The following NRG1 variants were observed in gnomAD, a reference collection of about 807,000 sequenced individuals.
NRG1 encodes the protein pro-neuregulin-1, membrane-bound isoform.
In NRG1, 18 loss-of-function variants were observed where a neutral mutation model predicts 63.8. The observed-to-expected ratio is 0.28, with a 90% confidence interval of 0.19 to 0.42. NRG1 has a LOEUF of 0.42. Among genes scored for constraint, NRG1 ranks in the 10% least tolerant of loss-of-function variants. NRG1 has a pLI of 1.00. For missense variants in NRG1, 762 were observed against 814.7 expected, an observed-to-expected ratio of 0.94 and a Z score of 0.79; for synonymous variants, 302 against 301.3, an observed-to-expected ratio of 1.00 and a Z score of -0.02.
chr8:31,648,765 A>C (rs912962779), intron 1 of NRG1, among the ~76,000 whole-genome samples: 1 of 152,148 alleles, frequency 6.6e-6, no homozygotes, highest in African/African-American at 2.4e-5. Context: ...ATAATTTTCC[A>C]TTGTATGTAA....
chr8:32,363,138 A>C (rs1056812978), intron 1 of NRG1, among the ~76,000 whole-genome samples: 1 of 152,176 alleles, frequency 6.6e-6, no homozygotes, highest in African/African-American at 2.4e-5. Flanking sequence ...AACTTTTTCC[A>C]TACTGTAAAA....
chr8:31,942,577 A>G (rs1306105258), intron 1 of NRG1, among the ~76,000 whole-genome samples: 1 of 152,196 alleles, frequency 6.6e-6, no homozygotes, highest in Non-Finnish European at 1.5e-5. Flanking sequence ...ACAGCAAAAA[A>G]AATAATCAGC....
chr8:32,626,673 C>T (rs1588806258), intron 5 of NRG1, among the ~76,000 whole-genome samples: 1 of 148,846 alleles, frequency 6.7e-6, no homozygotes, highest in South Asian at 2.1e-4. Flanking sequence ...GAGCAAGACT[C>T]ATCTCAAAAA....
intron 1 of NRG1, among the ~76,000 whole-genome samples, chr8:32,031,763 C>T (rs1184761356): frequency 3.9e-5 from 6 of 152,236 alleles, no homozygotes; most frequent in African/African-American, 1.4e-4. Flanking sequence ...CTTCCAGCTC[C>T]ATCCATGTCC....
intron 5 of NRG1, among the ~76,000 whole-genome samples, chr8:32,665,548 A>C (rs1207459060): frequency 6.6e-6 from 1 of 152,160 alleles, no homozygotes; most frequent in Non-Finnish European, 1.5e-5. Flanking sequence ...TAGCTCTTTC[A>C]TCCATGTAAT....
At chr8:32,491,965 A>G (rs1454822064) in intron 1 of NRG1, among the ~76,000 whole-genome samples, 2 of 152,202 alleles carry the variant, frequency 1.3e-5, no homozygotes, top group Non-Finnish European at 1.5e-5. Context: ...TGTATTGAAA[A>G]TGTCAAGTCA....
chr8:32,484,717 T>G (rs1342411313), intron 1 of NRG1, among the ~76,000 whole-genome samples: 2 of 152,234 alleles, frequency 1.3e-5, no homozygotes, highest in African/African-American at 4.8e-5. Flanking sequence ...TGCCTATTTC[T>G]GTTTCTTTTT....
chr8:32,104,580 CTT>C (rs1485346362), intron 1 of NRG1, among the ~76,000 whole-genome samples: 5 of 152,056 alleles, frequency 3.3e-5, no homozygotes, highest in African/African-American at 1.2e-4. Flanking sequence ...CTTTTTGACT[CTT>C]TTTCAATAAT....
At chr8:32,157,589 G>A (rs1838265675) in intron 1 of NRG1, among the ~76,000 whole-genome samples, 2 of 151,608 alleles carry the variant, frequency 1.3e-5, no homozygotes, top group South Asian at 4.2e-4. Context: ...AACCTGGAAG[G>A]TGGAGGTTGC....
intron 1 of NRG1, among the ~76,000 whole-genome samples, chr8:31,973,480 A>G (rs1462892): frequency 0.63 from 95,492 of 151,856 alleles, 34,426 homozygotes; most frequent in Non-Finnish European, 0.81. Flanking sequence ...AGAGAGATTC[A>G]TAGTCCAGCT....
intron 1 of NRG1, among the ~76,000 whole-genome samples, chr8:32,234,608 CA>C (rs1278014718): frequency 2.0e-5 from 3 of 152,130 alleles, no homozygotes; most frequent in Non-Finnish European, 2.9e-5. Context: ...TTGAAATCCA[CA>C]AAAGGAATAG....
At chr8:32,004,058 C>T (rs760523854) in intron 1 of NRG1, among the ~76,000 whole-genome samples, 14 of 151,856 alleles carry the variant, frequency 9.2e-5, no homozygotes, top group Non-Finnish European at 1.5e-4. Flanking sequence ...GCAATAAAAA[C>T]TCATGAGTTA....
At chr8:32,606,305 A>C (rs918384763) in intron 3 of NRG1, among the ~76,000 whole-genome samples, 3 of 152,008 alleles carry the variant, frequency 2.0e-5, no homozygotes, top group Admixed American at 2.0e-4. Context: ...TAGGTAGTAG[A>C]AAGTTAAACC....
intron 1 of NRG1, among the ~76,000 whole-genome samples, chr8:31,922,353 A>G (rs1240712635): frequency 6.6e-6 from 1 of 152,170 alleles, no homozygotes; most frequent in Non-Finnish European, 1.5e-5. Flanking sequence ...TCAGGCTACC[A>G]ACATGATGTC....
In NRG1 at chr8:32,716,592, A is replaced by G. The variant is rs183725058; in HGVS notation, c.503-11357A>G. Among the ~76,000 whole-genome samples, 132 of 152,322 alleles carry G rather than the reference A, an allele frequency of 8.7e-4. 1 individual carries two copies. In the East Asian group the frequency reaches 0.019, roughly 22 times the overall value. ...GCTACCAGGAAAAAACTAATGAATT[A>G]TAACTAAGGTCCTATGTATGGACCT... On this transcript the variant is annotated intron_variant, in intron 5 of 11. Transcript: ENST00000356819.
chr8:32,208,555 G>A (rs970820773), intron 1 of NRG1, among the ~76,000 whole-genome samples: 1 of 152,110 alleles, frequency 6.6e-6, no homozygotes, highest in Non-Finnish European at 1.5e-5. Context: ...ACCGGGCCCA[G>A]CCAAGTGTTT....
At chr8:31,913,848 C>G (rs1833149383) in intron 1 of NRG1, among the ~76,000 whole-genome samples, 1 of 152,130 alleles carries the variant, frequency 6.6e-6, no homozygotes, top group Non-Finnish European at 1.5e-5. Context: ...TTTTTAATAT[C>G]AGCCATTAAT....
chr8:32,342,035 A>G (rs1483641193), intron 1 of NRG1, among the ~76,000 whole-genome samples: 1 of 152,160 alleles, frequency 6.6e-6, no homozygotes, highest in East Asian at 1.9e-4. Context: ...TGCCATTTTT[A>G]AAACTATTTG....
chr8:31,892,917 A>G (rs1219913425), intron 1 of NRG1, among the ~76,000 whole-genome samples: 2 of 152,054 alleles, frequency 1.3e-5, no homozygotes, highest in African/African-American at 2.4e-5. Flanking sequence ...TTCATCTGAA[A>G]TAAATGTATA....
Sources: gnomAD v4.1 joint callset for allele counts (sites outside exome capture counted in the v4.1 genomes callset) on GRCh38, gnomAD v4.1.1 for gene constraint, MANE v1.5 for transcripts, NCBI Gene and HGNC (gene_info 2026-07-23, HGNC 2026-07-21) for gene names.